KDM7A: variants seen among roughly 807,000 people sequenced by gnomAD.
KDM7A encodes the protein lysine demethylase 7A.
In KDM7A, 28 loss-of-function variants were observed where a neutral mutation model predicts 114.8. That is an observed-to-expected ratio of 0.24 (90% confidence interval 0.18 to 0.33). The LOEUF is 0.33. KDM7A is among the 10% of genes least tolerant of loss of function. The pLI is 1.00. For synonymous variants in KDM7A, 423 were observed against 397.8 expected (o/e 1.06, Z -0.75); for missense variants, 942 against 1,142.5 (o/e 0.82, Z 2.53).
intron 1 of KDM7A, among the ~76,000 whole-genome samples, chr7:140,156,203 C>A (rs528132747): frequency 6.6e-6 from 1 of 152,090 alleles, no homozygotes; most frequent in Admixed American, 6.5e-5. Flanking sequence ...TTGAAGGTAG[C>A]AGGACCAGAG....
intron 8 of KDM7A, among the ~76,000 whole-genome samples, chr7:140,120,167 A>C (rs1415096315): frequency 1.3e-5 from 2 of 152,244 alleles, no homozygotes; most frequent in Non-Finnish European, 2.9e-5. Context: ...TAGCCAAAGA[A>C]GAACACATAC....
At chr7:140,173,901 C>T (rs1794672881) in intron 1 of KDM7A, among the ~76,000 whole-genome samples, 1 of 152,122 alleles carries the variant, frequency 6.6e-6, no homozygotes, top group African/African-American at 2.4e-5. Flanking sequence ...GGGTGGCTCA[C>T]ACCTGTAATC....
At chr7:140,135,952 G>A (rs1413956556) in intron 2 of KDM7A, among the ~76,000 whole-genome samples, 4 of 150,202 alleles carry the variant, frequency 2.7e-5, no homozygotes, top group Non-Finnish European at 5.9e-5. Context: ...GTATGATATT[G>A]CATTTTTAAG....
chr7:140,117,225 T>TA (rs1316114624), intron 9 of KDM7A, among the ~76,000 whole-genome samples: 1 of 152,178 alleles, frequency 6.6e-6, no homozygotes, highest in Non-Finnish European at 1.5e-5. Flanking sequence ...TAATCCTTTT[T>TA]AAAAAAGTCT....
Position 140,091,171 on chromosome 7 carries a change from CT to C in KDM7A, c.2748del (p.Gly917GlufsTer15). 11 of 1,613,362 alleles carry C rather than the reference CT, an allele frequency of 6.8e-6. No homozygotes were observed. The highest frequency in any genetic ancestry group is 9.3e-6 in the Non-Finnish European group (11 of 1,179,314). ...NQATKGKRPK[K>X]GMATAKQRLG... Reference sequence around the variant, plus strand: ...AGACGTTGTTTGGCTGTTGCCATTCCTTTTTTTGGACGTTTACCTATAAAAC... The same window carrying C: ...AGACGTTGTTTGGCTGTTGCCATTCCTTTTTTGGACGTTTACCTATAAAAC... On this transcript the variant is annotated frameshift_variant, in exon 20 of 20. Transcript: ENST00000397560. LOFTEE classifies it high-confidence loss of function.
In KDM7A at chr7:140,087,702, G is replaced by A. The variant is rs1010353895; in HGVS notation, c.*3392C>T. 4 of 152,250 alleles carry A rather than the reference G, an allele frequency of 2.6e-5. No homozygotes were observed. Among genetic ancestry groups the A allele is most frequent in the Admixed American group, 6.5e-5 (1 of 15,292 alleles). 9.4% of individuals were successfully genotyped at this position (152,250 alleles called of 1,614,324 possible). ...GCTGATACCTAAATGGCAGAACTTC[G>A]ACAAAAGCCCAGGTCTTCTGCTTCC... On this transcript the variant is annotated 3_prime_UTR_variant, in exon 20 of 20. Transcript: ENST00000397560.
rs370027536 is a variant in KDM7A at position 140,094,005 on chromosome 7, C to T, written c.2457+51G>A. 142 of 1,119,236 alleles carry T rather than the reference C, an allele frequency of 1.3e-4. No individual in the cohort carries two copies. In the Admixed American group the frequency reaches 1.9e-3, roughly 15 times the overall value. 69.3% of individuals were successfully genotyped at this position (1,119,236 alleles called of 1,614,324 possible). Reference sequence around the variant, plus strand: ...GTTTTAAAAAAGAAAGCAAAAACAACGTTAATGATCATTTTAAATCTCCTT... The same window carrying T: ...GTTTTAAAAAAGAAAGCAAAAACAATGTTAATGATCATTTTAAATCTCCTT... On this transcript the variant is annotated intron_variant, in intron 18 of 19. Coordinates refer to ENST00000397560, the MANE Select transcript of KDM7A (RefSeq NM_030647.2).
chr7:140,119,547 C>G (rs903082732), intron 8 of KDM7A, among the ~76,000 whole-genome samples: 1 of 152,108 alleles, frequency 6.6e-6, no homozygotes, highest in Admixed American at 6.6e-5. Flanking sequence ...CAGAAAACAC[C>G]TCTATGTGTT....
chr7:140,133,490 G>GACATTCTT, intron 3 of KDM7A, 49 bp downstream of exon 3: 1 of 1,093,178 alleles, frequency 9.1e-7, no homozygotes, highest in East Asian at 2.4e-5. Flanking sequence ...TCTATGAGAC[G>GACATTCTT]ACATTCTTAC....
At chr7:140,175,561 G>A (rs926657319) in intron 1 of KDM7A, among the ~76,000 whole-genome samples, 1 of 152,212 alleles carries the variant, frequency 6.6e-6, no homozygotes, top group Non-Finnish European at 1.5e-5. Flanking sequence ...AGGACTTTGG[G>A]AGCCCAACCC....
At chr7:140,128,753 T>C (rs1818744579) in intron 4 of KDM7A, among the ~76,000 whole-genome samples, 1 of 152,232 alleles carries the variant, frequency 6.6e-6, no homozygotes, top group Admixed American at 6.5e-5. Context: ...ATAGTAAATA[T>C]ACAATTTTGA....
At chr7:140,166,699 T>G (rs1794580133) in intron 1 of KDM7A, among the ~76,000 whole-genome samples, 1 of 152,142 alleles carries the variant, frequency 6.6e-6, no homozygotes, top group Non-Finnish European at 1.5e-5. Context: ...TGAGGAAATA[T>G]TAGAGGCATT....
At chr7:140,115,298 C>A (rs1023607880) in intron 9 of KDM7A, among the ~76,000 whole-genome samples, 3 of 152,240 alleles carry the variant, frequency 2.0e-5, no homozygotes, top group Admixed American at 2.0e-4. Context: ...GAGGTGTAAC[C>A]CAACAGCTCA....
At chr7:140,121,412 A>T (rs1411765004) in intron 7 of KDM7A, among the ~76,000 whole-genome samples, 4 of 152,226 alleles carry the variant, frequency 2.6e-5, no homozygotes. Flanking sequence ...ACTGTAACAC[A>T]AAACAAAAAA....
At chr7:140,117,077 G>A (rs1818542267) in intron 9 of KDM7A, among the ~76,000 whole-genome samples, 1 of 152,200 alleles carries the variant, frequency 6.6e-6, no homozygotes, top group Non-Finnish European at 1.5e-5. Context: ...TGCTTAAAAT[G>A]ATGGCAATTG....
intron 1 of KDM7A, among the ~76,000 whole-genome samples, chr7:140,165,169 C>T (rs1211853211): frequency 1.3e-5 from 2 of 152,188 alleles, no homozygotes. Flanking sequence ...GGGGAAATGC[C>T]TGGATCATTA....
In KDM7A at chr7:140,090,819, A is replaced by T. The variant is rs1263020933; in HGVS notation, c.*275T>A. The T allele has an allele frequency of 2.5e-6, 1 of 393,156 alleles. No homozygotes were observed. The highest frequency in any genetic ancestry group is 4.5e-6 in the Non-Finnish European group (1 of 220,090). 24.4% of individuals were successfully genotyped at this position (393,156 alleles called of 1,614,324 possible). A position where few individuals can be genotyped will look rare whatever the true frequency, so the allele number is the denominator to read the frequency against. ...AATACATCAAGACACTACCAACAAC[A>T]AAATAAAATTCAAGCCCTGACAAGA... On this transcript the variant is annotated 3_prime_UTR_variant, in exon 20 of 20. Coordinates refer to ENST00000397560, the MANE Select transcript of KDM7A (RefSeq NM_030647.2).
At chr7:140,153,610 T>G (rs1464302173) in intron 1 of KDM7A, among the ~76,000 whole-genome samples, 1 of 152,126 alleles carries the variant, frequency 6.6e-6, no homozygotes, top group East Asian at 1.9e-4. Context: ...CATTAAGAAC[T>G]CTCTTACTGT....
intron 1 of KDM7A, among the ~76,000 whole-genome samples, chr7:140,142,960 T>A (rs1286142012): frequency 1.3e-5 from 2 of 151,672 alleles, no homozygotes; most frequent in Non-Finnish European, 2.9e-5. Context: ...GGCGGGCGGA[T>A]CACGAGGTCA....
Sources: gnomAD v4.1 joint callset for allele counts (sites outside exome capture counted in the v4.1 genomes callset) on GRCh38, gnomAD v4.1.1 for gene constraint, MANE v1.5 for transcripts, NCBI Gene and HGNC (gene_info 2026-07-23, HGNC 2026-07-21) for gene names.